The following CADM1 variants were observed in gnomAD, a reference collection of about 807,000 sequenced individuals.
CADM1 encodes the protein cell adhesion molecule 1.
CADM1 carries 15 observed loss-of-function variants against 53.1 expected under a neutral mutation model. The ratio of observed to expected loss-of-function variants is 0.28; its 90% confidence interval spans 0.19 to 0.44. The LOEUF (loss-of-function observed/expected upper bound fraction) is 0.44. CADM1 is among the 20% of genes least tolerant of loss of function. CADM1 has a pLI of 1.00. For missense variants in CADM1, 434 were observed against 611.3 expected (o/e 0.71, Z 3.06); for synonymous variants, 281 against 243.0 (o/e 1.16, Z -1.45).
At chr11:115,331,282 CATT>C (rs1945122084) in intron 1 of CADM1, among the ~76,000 whole-genome samples, 1 of 152,124 alleles carries the variant, frequency 6.6e-6, no homozygotes, top group South Asian at 2.1e-4. Flanking sequence ...TTCTCACTAA[CATT>C]ATGTTCAGTT....
At chr11:115,491,374 G>T (rs1565453382) in intron 1 of CADM1, among the ~76,000 whole-genome samples, 1 of 152,026 alleles carries the variant, frequency 6.6e-6, no homozygotes, top group Non-Finnish European at 1.5e-5. Context: ...GACCATCCTG[G>T]CTAACACGGT....
chr11:115,428,213 T>C (rs1363551607), intron 1 of CADM1, among the ~76,000 whole-genome samples: 2 of 152,114 alleles, frequency 1.3e-5, no homozygotes, highest in Non-Finnish European at 2.9e-5. Flanking sequence ...TAATCTTATA[T>C]AGGTTTAAAA....
chr11:115,433,179 G>A (rs113847904), intron 1 of CADM1, among the ~76,000 whole-genome samples: 1 of 152,136 alleles, frequency 6.6e-6, no homozygotes, highest in East Asian at 1.9e-4. Flanking sequence ...GCTGATTGCT[G>A]TACAGTGACT....
intron 1 of CADM1, among the ~76,000 whole-genome samples, chr11:115,318,920 A>G (rs1354021952): frequency 3.3e-5 from 5 of 152,222 alleles, no homozygotes; most frequent in Admixed American, 2.6e-4. Context: ...AGCAAGAATA[A>G]TAATTAACAT....
chr11:115,473,574 C>G (rs1949062918), intron 1 of CADM1, among the ~76,000 whole-genome samples: 1 of 152,118 alleles, frequency 6.6e-6, no homozygotes. Flanking sequence ...GGTGCAAAGT[C>G]AGTTAAAAGG....
intron 1 of CADM1, among the ~76,000 whole-genome samples, chr11:115,272,363 T>G (rs1032661209): frequency 6.6e-6 from 1 of 152,162 alleles, no homozygotes; most frequent in Non-Finnish European, 1.5e-5. Flanking sequence ...TTTTTTTTGC[T>G]TATTATCTAA....
At chr11:115,346,038 CCAGA>C (rs1372232971) in intron 1 of CADM1, among the ~76,000 whole-genome samples, 1 of 152,110 alleles carries the variant, frequency 6.6e-6, no homozygotes. Context: ...TCTACTGAAA[CCAGA>C]CAGCCTCTGA....
At chr11:115,179,104 G>A (rs1356028533) in intron 10 of CADM1, 4 of 367,792 alleles carry the variant, frequency 1.1e-5, no homozygotes, top group South Asian at 2.3e-5. Flanking sequence ...CAGTTGCAGA[G>A]CCTAATTAAG....
In CADM1 at chr11:115,271,261, ATGT is replaced by A. The variant is rs544530520; in HGVS notation, c.125-30844_125-30842del. On this transcript the variant is annotated intron_variant, in intron 1 of 11. Transcript: ENST00000331581. ...TAAATTGAAGCTCTGTATATAGTTT[ATGT>A]TGTTGTTGTTGTTTTGTTGTTGTTG... 6.6e-5 allele frequency among the ~76,000 whole-genome samples: 10 copies of A among 151,818 alleles called. No homozygotes were observed. In the East Asian group the frequency reaches 7.7e-4, roughly 12 times the overall value.
intron 1 of CADM1, among the ~76,000 whole-genome samples, chr11:115,288,883 T>C (rs918887308): frequency 2.6e-5 from 4 of 152,162 alleles, no homozygotes; most frequent in African/African-American, 9.7e-5. Context: ...CTTGACCTTC[T>C]CCACTGGAGG....
At chr11:115,480,108 C>T (rs1347027658) in intron 1 of CADM1, among the ~76,000 whole-genome samples, 4 of 152,042 alleles carry the variant, frequency 2.6e-5, no homozygotes, top group African/African-American at 9.7e-5. Context: ...TTTACAGGTC[C>T]CAAATAATAT....
intron 1 of CADM1, among the ~76,000 whole-genome samples, chr11:115,388,594 T>C (rs1417415457): frequency 1.5e-5 from 2 of 132,272 alleles, no homozygotes; most frequent in African/African-American, 2.7e-5. Context: ...CTGGATGTAA[T>C]AGTGTAATCT....
At chr11:115,436,475 A>C (rs1261758010) in intron 1 of CADM1, among the ~76,000 whole-genome samples, 1 of 151,854 alleles carries the variant, frequency 6.6e-6, no homozygotes, top group East Asian at 1.9e-4. Context: ...TCTCTTCCTG[A>C]CTCTCTGCTC....
At chr11:115,403,380 G>A (rs570742249) in intron 1 of CADM1, among the ~76,000 whole-genome samples, 3 of 152,246 alleles carry the variant, frequency 2.0e-5, no homozygotes, top group African/African-American at 4.8e-5. Context: ...AGCAGCAAAA[G>A]GTTGTTAGTG....
At chr11:115,399,816 G>T (rs1416853410) in intron 1 of CADM1, among the ~76,000 whole-genome samples, 1 of 1,340 alleles carries the variant, frequency 7.5e-4, no homozygotes, top group African/African-American at 3.0e-3. Flanking sequence ...ATCACATATA[G>T]AAACCCTCTT....
At chr11:115,465,387 T>C (rs1266845258) in intron 1 of CADM1, among the ~76,000 whole-genome samples, 1 of 152,132 alleles carries the variant, frequency 6.6e-6, no homozygotes, top group Non-Finnish European at 1.5e-5. Flanking sequence ...CTGAGTGACA[T>C]GAGAGGTGTT....
chr11:115,458,914 A>G (rs1421954088), intron 1 of CADM1, among the ~76,000 whole-genome samples: 2 of 152,206 alleles, frequency 1.3e-5, no homozygotes, highest in Non-Finnish European at 2.9e-5. Context: ...AAGTTAGAAC[A>G]GAGTAGATAC....
At chr11:115,477,732 CA>C (rs1157531914) in intron 1 of CADM1, among the ~76,000 whole-genome samples, 2 of 152,184 alleles carry the variant, frequency 1.3e-5, no homozygotes, top group Non-Finnish European at 2.9e-5. Flanking sequence ...GACTCCTCTG[CA>C]AAAAAACAAA....
intron 1 of CADM1, among the ~76,000 whole-genome samples, chr11:115,410,039 A>G (rs1380362208): frequency 6.6e-6 from 1 of 152,256 alleles, no homozygotes; most frequent in Non-Finnish European, 1.5e-5. Flanking sequence ...TCAGGAAAAC[A>G]TATCTACTTA....
Sources: allele counts gnomAD v4.1 joint callset (sites outside exome capture counted in the v4.1 genomes callset), GRCh38; gene constraint gnomAD v4.1.1; transcripts MANE v1.5; gene names NCBI Gene and HGNC (gene_info 2026-07-23, HGNC 2026-07-21).